The following PCDHA5 variants were observed in gnomAD, a reference collection of about 807,000 sequenced individuals.
PCDHA5 encodes protocadherin alpha 5.
A neutral mutation model predicts 61.6 loss-of-function variants in PCDHA5; 43 were observed. The ratio of observed to expected loss-of-function variants is 0.70; its 90% CI spans 0.55 to 0.90. PCDHA5 has a LOEUF of 0.90. Ranked by LOEUF, PCDHA5 falls within the 40% of genes least tolerant of loss-of-function variation. PCDHA5 has a pLI of 0.00. For missense variants in PCDHA5, 1,298 were observed against 1,222.7 expected (o/e 1.06, Z -0.92); for synonymous variants, 627 against 543.9 (o/e 1.15, Z -2.13).
intron 1 of PCDHA5, chr5:140,871,259 C>A (rs1554165338): frequency 3.1e-6 from 5 of 1,613,958 alleles, no homozygotes; most frequent in Non-Finnish European, 4.2e-6. Context: ...CTGTATACGG[C>A]GCTGTGGTGG....
At chr5:140,985,783 A>G (rs1587112463) in intron 3 of PCDHA5, among the ~76,000 whole-genome samples, 1 of 125,324 alleles carries the variant, frequency 8.0e-6, no homozygotes, top group Non-Finnish European at 1.6e-5. Context: ...TCTGTCGCCC[A>G]GGCTGGAGTG....
At chr5:140,917,337 G>GA (rs1240219857) in intron 1 of PCDHA5, among the ~76,000 whole-genome samples, 3 of 142,560 alleles carry the variant, frequency 2.1e-5, no homozygotes, top group Non-Finnish European at 4.7e-5. Context: ...GGGAGGGGGG[G>GA]GATGGTGTAG....
chr5:140,943,305 CATT>C (rs1322564942), intron 1 of PCDHA5, among the ~76,000 whole-genome samples: 13 of 146,998 alleles, frequency 8.8e-5, no homozygotes, highest in African/African-American at 3.0e-4. Flanking sequence ...TTTGGGAAGT[CATT>C]ATTAGCAATA....
intron 1 of PCDHA5, among the ~76,000 whole-genome samples, chr5:140,950,043 A>G (rs1011500100): frequency 1.6e-4 from 25 of 151,950 alleles, no homozygotes; most frequent in Non-Finnish European, 3.4e-4. Context: ...TTACAACCAT[A>G]TAAGACTATT....
Position 140,876,739 on chromosome 5 carries a change from C to T in PCDHA5, c.2352+52612C>T, listed in dbSNP as rs782400807. The T allele has an allele frequency of 7.4e-6, 12 of 1,614,126 alleles. No homozygotes were observed. The South Asian group carries it at 1.1e-4, about 15-fold the overall frequency. ...CCGCGAGAGCGTGTCGGCCTATGAG[C>T]TGGTGGTGACTGCGCGGGATGGGGG... On this transcript the variant is annotated intron_variant, in intron 1 of 3. Coordinates refer to ENST00000529859, the MANE Select transcript of PCDHA5 (RefSeq NM_018908.3).
chr5:141,005,049 T>C (rs1248594838), intron 3 of PCDHA5, among the ~76,000 whole-genome samples: 6 of 152,264 alleles, frequency 3.9e-5, no homozygotes, highest in African/African-American at 1.4e-4. Context: ...TACCATTTAC[T>C]GAATTCTTGC....
Position 140,843,222 on chromosome 5 carries a change from C to T in PCDHA5, c.2352+19095C>T, listed in dbSNP as rs2150355483. On this transcript the variant is annotated intron_variant, in intron 1 of 3. Coordinates refer to ENST00000529859, the MANE Select transcript of PCDHA5 (RefSeq NM_018908.3). ...CTGTACACGGGCGAGATCAGCACCA[C>T]TCGTGTCCTGGACGAAGCGGACTCT... is the stretch of plus-strand genomic sequence containing the variant. 32 of 1,596,168 alleles carry T rather than the reference C, an allele frequency of 2.0e-5. 4 individuals are homozygous for T. Among genetic ancestry groups the T allele is most frequent in the Non-Finnish European group, 2.5e-5 (29 of 1,165,638 alleles).
chr5:140,875,460 C>T (rs1380748731), intron 1 of PCDHA5: 2 of 1,598,406 alleles, frequency 1.3e-6, no homozygotes, highest in Middle Eastern at 1.7e-4. Flanking sequence ...CTCAGAGGCC[C>T]TCATTTTCTG....
At chr5:140,891,624 T>C (rs1489586112) in intron 1 of PCDHA5, among the ~76,000 whole-genome samples, 1 of 152,188 alleles carries the variant, frequency 6.6e-6, no homozygotes, top group African/African-American at 2.4e-5. Context: ...TTTTAACACC[T>C]TTTGCTCTTT....
intron 2 of PCDHA5, among the ~76,000 whole-genome samples, chr5:140,979,721 C>T (rs2153819868): frequency 6.6e-6 from 1 of 152,290 alleles, no homozygotes; most frequent in East Asian, 1.9e-4. Context: ...GTATCCATGC[C>T]ATGGGGCCAA....
At chr5:140,871,729 G>A in intron 1 of PCDHA5, 1 of 714,516 alleles carries the variant, frequency 1.4e-6, no homozygotes, top group Non-Finnish European at 2.2e-6. Flanking sequence ...TTAATATTTG[G>A]TTAGCAAATC....
intron 1 of PCDHA5, chr5:140,841,933 C>G (rs2150325780): frequency 1.2e-6 from 2 of 1,613,858 alleles, no homozygotes; most frequent in Non-Finnish European, 1.7e-6. Flanking sequence ...ACAGAGAGGA[C>G]GCTCCTGCGC....
Position 141,010,120 on chromosome 5 carries a change from C to T in PCDHA5, c.*183C>T, listed in dbSNP as rs1554262685. 6.2e-7 allele frequency: 1 copy of T among 1,607,404 alleles called. No homozygotes were observed. Among genetic ancestry groups the T allele is most frequent in the Admixed American group, 1.7e-5 (1 of 58,482 alleles). ...AACAGGTTTTGTCGTAAAAGCTTTACTAAGTCTGGTGTTAACTCTTTCTCT... is the reference window on the plus strand; with the variant it reads ...AACAGGTTTTGTCGTAAAAGCTTTATTAAGTCTGGTGTTAACTCTTTCTCT... On this transcript the variant is annotated 3_prime_UTR_variant, in exon 4 of 4. Coordinates refer to ENST00000529859, the MANE Select transcript of PCDHA5 (RefSeq NM_018908.3).
rs183321523 is a variant in PCDHA5 at position 140,948,382 on chromosome 5, A to G, written c.2353-30567A>G. Among the ~76,000 whole-genome samples the G allele has an allele frequency of 1.2e-3, 182 of 151,516 alleles. 1 individual carries two copies. Among genetic ancestry groups the G allele is most frequent in the African/African-American group, 3.9e-3 (163 of 41,496 alleles). ...TGACTTAGGAGGTGTTCCTTCCTCT[A>G]TTTTCTGAAAGGTTGTGTAATATTG... On this transcript the variant is annotated intron_variant, in intron 1 of 3. Coordinates refer to ENST00000529859, the MANE Select transcript of PCDHA5 (RefSeq NM_018908.3).
At chr5:140,835,916 C>T (rs1359534891) in intron 1 of PCDHA5, 4 of 1,612,180 alleles carry the variant, frequency 2.5e-6, no homozygotes, top group Non-Finnish European at 2.5e-6. Context: ...TGTCAGTGCA[C>T]GCGGAGAGCG....
Position 140,822,231 on chromosome 5 carries a change from G to A in PCDHA5, c.456G>A (p.Pro152=). ...CAAGAATGCCAGATTCGCGGTTTCC[G>A]CTAGAGGGCGCGTCGGATTTGGATA... ...LESRMPDSRF[P]LEGASDLDIG... Residue 152 remains proline (P), a synonymous_variant, in exon 1 of 4, where the codon CCG becomes CCA. Coordinates refer to ENST00000529859, the MANE Select transcript of PCDHA5 (RefSeq NM_018908.3). 6.2e-7 allele frequency: 1 copy of A among 1,614,236 alleles called. No individual in the cohort carries two copies. The highest frequency in any genetic ancestry group is 8.5e-7 in the Non-Finnish European group (1 of 1,180,044).
At chr5:140,995,682 T>A (rs566340825) in intron 3 of PCDHA5, among the ~76,000 whole-genome samples, 28 of 152,312 alleles carry the variant, frequency 1.8e-4, no homozygotes, top group East Asian at 9.6e-4. Context: ...GCATTTTTTT[T>A]AATTGTTAAA....
intron 1 of PCDHA5, among the ~76,000 whole-genome samples, chr5:140,961,451 T>C (rs1307588711): frequency 1.3e-5 from 2 of 152,238 alleles, no homozygotes; most frequent in Non-Finnish European, 2.9e-5. Context: ...TACACTGTCT[T>C]GCAGCTGCCT....
chr5:141,009,627 A>G lies in PCDHA5; in HGVS notation c.2501A>G (p.Glu834Gly), dbSNP rs782179145. 6.2e-7 allele frequency: 1 copy of G among 1,612,842 alleles called. No individual in the cohort carries two copies. The highest frequency in any genetic ancestry group is 1.1e-5 in the South Asian group (1 of 90,980). The change falls in exon 4 of 4, where the codon GAA becomes GGA. Residue 834 changes from glutamate (E) to glycine (G), a missense_variant and splice_region_variant. By Grantham distance (98) the Glu-to-Gly change is moderately conservative (BLOSUM62 -2). Coordinates refer to ENST00000529859, the MANE Select transcript of PCDHA5 (RefSeq NM_018908.3). Reference protein sequence around the residue: ...QWPTVSSATPEPEAGEVSPPV... With the variant: ...QWPTVSSATPGPEAGEVSPPV... ...TGATTTGTAATGTTTTGTCTTTCAGAACCAGAGGCAGGAGAAGTGTCCCCT... is the reference window on the plus strand; with the variant it reads ...TGATTTGTAATGTTTTGTCTTTCAGGACCAGAGGCAGGAGAAGTGTCCCCT...
Sources: gnomAD v4.1 joint callset for allele counts (sites outside exome capture counted in the v4.1 genomes callset) on GRCh38, gnomAD v4.1.1 for gene constraint, MANE v1.5 for transcripts, NCBI Gene and HGNC (gene_info 2026-07-23, HGNC 2026-07-21) for gene names.